The following THSD7A variants were observed in gnomAD, a reference collection of about 807,000 sequenced individuals.
THSD7A encodes the protein thrombospondin type-1 domain-containing protein 7A.
Under a neutral mutation model 231.3 loss-of-function variants are expected in THSD7A, and 96 were observed. The ratio of observed to expected loss-of-function variants is 0.41; its 90% CI spans 0.35 to 0.49. The LOEUF (loss-of-function observed/expected upper bound fraction) is 0.49, where lower values mean the gene tolerates loss of function less well. Among genes scored for constraint, THSD7A ranks in the 20% least tolerant of loss-of-function variants. The probability of loss-of-function intolerance (pLI) is 0.05; values close to 1 mark genes in which losing one functional copy is unlikely to be tolerated. For missense variants in THSD7A, 2,290 were observed against 2,070.2 expected, an observed-to-expected ratio of 1.11 and a Z score of -2.06; for synonymous variants, 940 against 743.3, an observed-to-expected ratio of 1.26 and a Z score of -4.30.
At chr7:11,679,156 T>C (rs1307051363) in intron 1 of THSD7A, among the ~76,000 whole-genome samples, 1 of 152,212 alleles carries the variant, frequency 6.6e-6, no homozygotes, top group African/African-American at 2.4e-5. Context: ...CACCGCTTCA[T>C]GCTAAAAACA....
chr7:11,636,292 C>G lies in THSD7A; in HGVS notation c.860G>C (p.Arg287Pro). 3 of 1,613,974 alleles carry G rather than the reference C, an allele frequency of 1.9e-6. No individual in the cohort carries two copies. Among genetic ancestry groups the G allele is most frequent in the Non-Finnish European group, 2.5e-6 (3 of 1,179,898 alleles). Residue 287 changes from arginine to proline, a missense_variant, in exon 2 of 28, where the codon CGC (arginine) becomes CCC (proline). By Grantham distance (103) the Arg-to-Pro change is moderately radical (BLOSUM62 -2). Transcript: ENST00000423059. This position sits in a 1 kb window ranked among gnomAD's most constrained non-coding sequence, Gnocchi z 10.0. ...TTCTGGATCCTTTACTCCTTTGCTG[C>G]GGTCCTTTTCCCGTTCTTTATTCTT... Reference protein sequence around the residue: ...RGKNKEREKDRSKGVKDPEAR... With the variant: ...RGKNKEREKDPSKGVKDPEAR...
At chr7:11,524,544 G>A (rs888134910) in intron 6 of THSD7A, among the ~76,000 whole-genome samples, 4 of 152,256 alleles carry the variant, frequency 2.6e-5, no homozygotes, top group African/African-American at 7.2e-5. Flanking sequence ...TTAAAAGACC[G>A]ATGAACATTT....
At chr7:11,511,318 T>A (rs1787799960) in intron 6 of THSD7A, among the ~76,000 whole-genome samples, 1 of 152,176 alleles carries the variant, frequency 6.6e-6, no homozygotes, top group Non-Finnish European at 1.5e-5. Flanking sequence ...TCCATGCTCA[T>A]GGATAGGAAG....
At position 11,411,547 on chromosome 7, in the gene THSD7A, G is replaced by C. The variant is rs919603372; in HGVS notation, c.3683-225C>G. ...ACAGGGATTATTCTTAAAGGCAGAT[G>C]TCTACTTGAAAATCTTGATAGCTAG... is the stretch of plus-strand genomic sequence containing the variant. On this transcript the variant is annotated intron_variant, in intron 18 of 27. Coordinates refer to ENST00000423059, the MANE Select transcript of THSD7A (RefSeq NM_015204.3). This position sits in a 1 kb window ranked among gnomAD's most constrained non-coding sequence, Gnocchi z 4.1. Among the ~76,000 whole-genome samples the C allele has an allele frequency of 1.3e-5, 2 of 152,206 alleles. No individual in the cohort carries two copies. Among genetic ancestry groups the C allele is most frequent in the Non-Finnish European group, 2.9e-5 (2 of 68,046 alleles).
intron 1 of THSD7A, among the ~76,000 whole-genome samples, chr7:11,648,525 T>C (rs1782369694): frequency 6.6e-6 from 1 of 151,968 alleles, no homozygotes; most frequent in South Asian, 2.1e-4. Flanking sequence ...AAATACTTTA[T>C]TTGGTGGGCT....
chr7:11,604,432 T>C (rs962563833), intron 2 of THSD7A, among the ~76,000 whole-genome samples: 2 of 152,178 alleles, frequency 1.3e-5, no homozygotes, highest in African/African-American at 4.8e-5. Flanking sequence ...TCTATCCATG[T>C]ATTTGTTTTT....
intron 6 of THSD7A, among the ~76,000 whole-genome samples, chr7:11,484,018 C>A (rs1786543237): frequency 6.6e-6 from 1 of 151,890 alleles, no homozygotes; most frequent in African/African-American, 2.4e-5. Context: ...TCCCCCTGCC[C>A]CCCATCCGCC....
intron 6 of THSD7A, among the ~76,000 whole-genome samples, chr7:11,508,940 G>A (rs1363883952): frequency 1.3e-5 from 2 of 152,160 alleles, no homozygotes; most frequent in Non-Finnish European, 2.9e-5. Flanking sequence ...GGGGCTGTAG[G>A]AGAGGGAAAT....
intron 17 of THSD7A, 111 bp from the exon 18 acceptor site, chr7:11,412,911 C>T: frequency 8.3e-7 from 1 of 1,209,032 alleles, no homozygotes; most frequent in South Asian, 1.5e-5. Flanking sequence ...CTGGCTAACT[C>T]AGAAAAGTCA....
intron 23 of THSD7A, among the ~76,000 whole-genome samples, chr7:11,388,433 C>T (rs1340384699): frequency 1.3e-5 from 2 of 152,020 alleles, no homozygotes; most frequent in Non-Finnish European, 2.9e-5. Flanking sequence ...ATGTATGTGT[C>T]CAGGAATTTA....
intron 1 of THSD7A, among the ~76,000 whole-genome samples, chr7:11,678,740 C>T (rs1783745776): frequency 6.6e-6 from 1 of 151,980 alleles, no homozygotes. Context: ...TAGGACAAGA[C>T]AGATTCACAG....
intron 1 of THSD7A, among the ~76,000 whole-genome samples, chr7:11,677,668 A>T (rs886590222): frequency 6.6e-6 from 1 of 151,794 alleles, no homozygotes; most frequent in African/African-American, 2.4e-5. Flanking sequence ...AACAAAGATC[A>T]AAAAAGACAA....
intron 11 of THSD7A, among the ~76,000 whole-genome samples, chr7:11,459,993 A>G (rs1047393697): frequency 1.1e-4 from 16 of 152,120 alleles, no homozygotes; most frequent in Non-Finnish European, 1.9e-4. Context: ...TGAATTTGCT[A>G]TGTCTGGAAG....
intron 1 of THSD7A, among the ~76,000 whole-genome samples, chr7:11,698,246 T>G (rs1010263503): frequency 2.0e-5 from 3 of 151,454 alleles, no homozygotes; most frequent in Non-Finnish European, 4.4e-5. Flanking sequence ...AGGTCTGATT[T>G]TTGGATCAGA....
intron 6 of THSD7A, among the ~76,000 whole-genome samples, chr7:11,498,256 G>A (rs74722519): frequency 0.012 from 1,815 of 152,298 alleles, 44 homozygotes; most frequent in African/African-American, 0.042. Context: ...CAGAGAGAGG[G>A]GCGGGCTGCC....
At chr7:11,722,390 C>T (rs910083680) in intron 1 of THSD7A, among the ~76,000 whole-genome samples, 15 of 151,976 alleles carry the variant, frequency 9.9e-5, no homozygotes, top group African/African-American at 3.6e-4. Context: ...CCAATTGCTC[C>T]TATGGATAAC....
chr7:11,610,271 C>A (rs184637387), intron 2 of THSD7A, among the ~76,000 whole-genome samples: 1 of 151,982 alleles, frequency 6.6e-6, no homozygotes, highest in African/African-American at 2.4e-5. Flanking sequence ...TATTTAGTCC[C>A]CTATCAGACT....
intron 9 of THSD7A, among the ~76,000 whole-genome samples, chr7:11,468,900 T>C (rs975518891): frequency 1.6e-4 from 24 of 152,052 alleles, no homozygotes; most frequent in Non-Finnish European, 2.8e-4. Flanking sequence ...TTTAATTTTA[T>C]TGGATATTTC....
chr7:11,802,756 T>G (rs1245059426), intron 1 of THSD7A, among the ~76,000 whole-genome samples: 1 of 152,178 alleles, frequency 6.6e-6, no homozygotes, highest in Non-Finnish European at 1.5e-5. Flanking sequence ...ACTTACTAAA[T>G]GTTTGTTAAA....
Sources: gnomAD v4.1 joint callset for allele counts (sites outside exome capture counted in the v4.1 genomes callset) on GRCh38, gnomAD v4.1.1 for gene constraint, Gnocchi (gnomAD v3.1) non-coding constraint, MANE v1.5 for transcripts, NCBI Gene and HGNC (gene_info 2026-07-23, HGNC 2026-07-21) for gene names.